PLCB1: variants seen among roughly 807,000 people sequenced by gnomAD.
The protein encoded by PLCB1 is 1-phosphatidylinositol 4,5-bisphosphate phosphodiesterase beta-1.
A neutral mutation model predicts 161.8 loss-of-function variants in PLCB1; 46 were observed. The ratio of observed to expected loss-of-function variants is 0.28; its 90% confidence interval spans 0.22 to 0.36. PLCB1 has a LOEUF of 0.36. PLCB1 is among the 10% of genes least tolerant of loss of function. The pLI, the probability that PLCB1 is intolerant of heterozygous loss-of-function variation, is 1.00. For missense variants in PLCB1, 1,016 were observed against 1,472.5 expected (o/e 0.69, Z 5.07); for synonymous variants, 517 against 503.7 (o/e 1.03, Z -0.35).
chr20:8,509,661 TTAGATAGATAGG>T (rs1206435677), intron 3 of PLCB1, among the ~76,000 whole-genome samples: 1 of 151,792 alleles, frequency 6.6e-6, no homozygotes, highest in Non-Finnish European at 1.5e-5. Flanking sequence ...AAAAAATAGA[TTAGATAGATAGG>T]TAGATAGATG....
intron 3 of PLCB1, among the ~76,000 whole-genome samples, chr20:8,442,201 C>T (rs1480396253): frequency 1.3e-5 from 2 of 152,034 alleles, no homozygotes; most frequent in Non-Finnish European, 2.9e-5. Flanking sequence ...TATCTTAGTC[C>T]ATTTGTACTG....
intron 2 of PLCB1, among the ~76,000 whole-genome samples, chr20:8,357,762 TTTTA>T (rs1210944348): frequency 5.3e-5 from 8 of 152,194 alleles, no homozygotes; most frequent in African/African-American, 1.7e-4. Context: ...CTGATGGCAG[TTTTA>T]TTTGAGAACT....
chr20:8,661,772 A>G (rs1443898921), intron 9 of PLCB1, among the ~76,000 whole-genome samples: 1 of 150,642 alleles, frequency 6.6e-6, no homozygotes, highest in Non-Finnish European at 1.5e-5. Context: ...GGAAGCACAC[A>G]GTCTCTGGTG....
intron 3 of PLCB1, among the ~76,000 whole-genome samples, chr20:8,549,526 A>G (rs1431875085): frequency 6.6e-6 from 1 of 152,208 alleles, no homozygotes; most frequent in Non-Finnish European, 1.5e-5. Context: ...AGGTGGAGAT[A>G]AATGAATCAT....
chr20:8,276,807 A>T (rs1490778758), intron 2 of PLCB1, among the ~76,000 whole-genome samples: 1 of 151,988 alleles, frequency 6.6e-6, no homozygotes, highest in Non-Finnish European at 1.5e-5. Context: ...AAGGATTCAT[A>T]TATACAACAG....
At chr20:8,874,552 T>C (rs1395835388) in intron 31 of PLCB1, among the ~76,000 whole-genome samples, 1 of 152,072 alleles carries the variant, frequency 6.6e-6, no homozygotes, top group South Asian at 2.1e-4. Context: ...TAAATAAATA[T>C]GCTAATGCTA....
Position 8,646,117 on chromosome 20 carries a change from G to C in PLCB1, c.400G>C (p.Val134Leu), listed in dbSNP as rs1199339071. Residue 134 changes from valine (V) to leucine (L), a missense_variant, in exon 5 of 32, where the codon GTT (valine) becomes CTT (leucine). By Grantham distance (32) the Val-to-Leu change is conservative. Coordinates refer to ENST00000338037, the MANE Select transcript of PLCB1 (RefSeq NM_015192.4). ...EEVAKEWTNE[V>L]FSLATNLLAQ... ...CATTTTTCAGGAATGGACAAATGAG[G>C]TTTTCAGTTTGGCAACAAACCTGCT... is the stretch of plus-strand genomic sequence containing the variant. 2 of 1,612,254 alleles carry C rather than the reference G, an allele frequency of 1.2e-6. No individual in the cohort carries two copies. The highest frequency in any genetic ancestry group is 1.7e-6 in the Non-Finnish European group (2 of 1,178,284).
At chr20:8,326,900 G>A (rs891518700) in intron 2 of PLCB1, among the ~76,000 whole-genome samples, 5 of 151,946 alleles carry the variant, frequency 3.3e-5, no homozygotes, top group South Asian at 2.1e-4. Context: ...TTTGTTTTTT[G>A]TTTGAGACAG....
chr20:8,304,230 A>G (rs1984028566), intron 2 of PLCB1, among the ~76,000 whole-genome samples: 1 of 152,000 alleles, frequency 6.6e-6, no homozygotes, highest in Non-Finnish European at 1.5e-5. Flanking sequence ...ATTATTTATC[A>G]TGTTGTCATT....
At chr20:8,189,872 A>T (rs572113631) in intron 2 of PLCB1, among the ~76,000 whole-genome samples, 1 of 152,004 alleles carries the variant, frequency 6.6e-6, no homozygotes, top group African/African-American at 2.4e-5. Context: ...ACCATTTACC[A>T]TGTTTCAAGG....
chr20:8,343,704 T>A (rs1985896584), intron 2 of PLCB1, among the ~76,000 whole-genome samples: 1 of 152,236 alleles, frequency 6.6e-6, no homozygotes, highest in Non-Finnish European at 1.5e-5. Flanking sequence ...CCTGCCCCTC[T>A]GGTTATCTCA....
intron 9 of PLCB1, among the ~76,000 whole-genome samples, chr20:8,680,254 G>A (rs145338905): frequency 1.6e-3 from 238 of 152,242 alleles, no homozygotes; most frequent in African/African-American, 5.5e-3. Flanking sequence ...AGTCAATGGC[G>A]ACAATAATAT....
chr20:8,588,374 C>T (rs886228930), intron 3 of PLCB1, among the ~76,000 whole-genome samples: 2 of 152,054 alleles, frequency 1.3e-5, no homozygotes, highest in Non-Finnish European at 1.5e-5. Context: ...GTGTATGCAA[C>T]CAGGATTCAT....
intron 31 of PLCB1, among the ~76,000 whole-genome samples, chr20:8,857,782 G>A (rs1373346897): frequency 6.6e-6 from 1 of 152,188 alleles, no homozygotes; most frequent in Non-Finnish European, 1.5e-5. Flanking sequence ...ATATCTCAAT[G>A]TGGTCTAGAT....
intron 3 of PLCB1, among the ~76,000 whole-genome samples, chr20:8,477,721 G>T (rs1982339781): frequency 6.6e-6 from 1 of 152,110 alleles, no homozygotes; most frequent in Non-Finnish European, 1.5e-5. Flanking sequence ...GGATGTGCCA[G>T]GCTCATTTAA....
rs2123314860 is a variant in PLCB1 at position 8,655,825 on chromosome 20, C to A, written c.595-1359C>A. On this transcript the variant is annotated intron_variant, in intron 7 of 31. Transcript: ENST00000338037. ...ATTTCTCTTCCTTGTGTCTAACAGC[C>A]AATGAGTATGGTAGATAGGGTCATT... 2.6e-5 allele frequency among the ~76,000 whole-genome samples: 4 copies of A among 152,088 alleles called. 1 individual carries two copies. The Middle Eastern group carries it at 0.014, about 521-fold the overall frequency.
Position 8,523,496 on chromosome 20 carries a change from C to CTCTCTCTATATATATATATA in PLCB1, c.247-104797_247-104796insCTCTCTATATATATATATAT. 9.7e-5 allele frequency among the ~76,000 whole-genome samples: 5 copies of CTCTCTCTATATATATATATA among 51,654 alleles called. No individual in the cohort carries two copies. The East Asian group carries it at 1.2e-3, about 12-fold the overall frequency. The allele number at this position is 51,654 out of a possible 152,430, so 33.9% of individuals were successfully genotyped here. A position where few individuals can be genotyped will look rare whatever the true frequency, so the allele number is the denominator to read the frequency against. ...TCTCTCTCTCTCTCTCTCTCTCTCT[C>CTCTCTCTATATATATATATA]TATATATATATATATATATATATAT... On this transcript the variant is annotated intron_variant, in intron 3 of 31. Transcript: ENST00000338037.
At chr20:8,657,096 A>T in intron 7 of PLCB1, 88 bp from the exon 8 acceptor site, 1 of 759,588 alleles carries the variant, frequency 1.3e-6, no homozygotes, top group Non-Finnish European at 2.4e-6. Flanking sequence ...AAAAGAAAGG[A>T]GAGAAAAGAA....
chr20:8,559,520 T>C (rs1986074119), intron 3 of PLCB1, among the ~76,000 whole-genome samples: 1 of 151,862 alleles, frequency 6.6e-6, no homozygotes, highest in Non-Finnish European at 1.5e-5. Flanking sequence ...AAAACAGAGA[T>C]TGTCAGATTA....
Sources: gnomAD v4.1 joint callset for allele counts (sites outside exome capture counted in the v4.1 genomes callset) on GRCh38, gnomAD v4.1.1 for gene constraint, MANE v1.5 for transcripts, NCBI Gene and HGNC (gene_info 2026-07-23, HGNC 2026-07-21) for gene names.